Variants in PARD3B observed in about 807,000 individuals in gnomAD.
PARD3B encodes par-3 family cell polarity regulator beta.
In PARD3B, 103 loss-of-function variants were observed where a neutral mutation model predicts 130.2. The ratio of observed to expected loss-of-function variants is 0.79; its 90% CI spans 0.67 to 0.93. PARD3B has a LOEUF of 0.93. Among genes scored for constraint, PARD3B ranks in the 40% least tolerant of loss-of-function variants. The probability of loss-of-function intolerance (pLI) is 0.00; values close to 1 mark genes in which losing one functional copy is unlikely to be tolerated. For missense variants in PARD3B, 1,609 were observed against 1,499.2 expected (o/e 1.07, Z -1.21); for synonymous variants, 583 against 553.2 (o/e 1.05, Z -0.76).
intron 2 of PARD3B, among the ~76,000 whole-genome samples, chr2:204,836,451 T>C (rs2044034011): frequency 6.6e-6 from 1 of 152,118 alleles, no homozygotes; most frequent in Admixed American, 6.5e-5. Flanking sequence ...TTGCCAGAGC[T>C]CAGGAGTTTG....
intron 22 of PARD3B, among the ~76,000 whole-genome samples, chr2:205,583,324 G>A (rs1311839906): frequency 6.6e-6 from 1 of 152,016 alleles, no homozygotes; most frequent in East Asian, 1.9e-4. Flanking sequence ...AAGGAATTAG[G>A]AAACGCTGGA....
At chr2:205,290,482 A>G (rs1417295537) in intron 16 of PARD3B, among the ~76,000 whole-genome samples, 1 of 152,186 alleles carries the variant, frequency 6.6e-6, no homozygotes, top group Non-Finnish European at 1.5e-5. Flanking sequence ...AACTTAAAAT[A>G]AGAATTGAAA....
chr2:204,924,981 A>G (rs984200810), intron 2 of PARD3B, among the ~76,000 whole-genome samples: 5 of 150,544 alleles, frequency 3.3e-5, no homozygotes, highest in Non-Finnish European at 6.0e-5. Flanking sequence ...GCAATCTGAT[A>G]TATATGCATA....
At chr2:205,451,688 G>GTATATATATA (rs35082767) in intron 20 of PARD3B, among the ~76,000 whole-genome samples, 4 of 143,744 alleles carry the variant, frequency 2.8e-5, no homozygotes, top group African/African-American at 1.0e-4. Context: ...TATGTAATAG[G>GTATATATATA]TATATATATA....
intron 18 of PARD3B, among the ~76,000 whole-genome samples, chr2:205,347,440 T>C (rs895795642): frequency 1.1e-4 from 16 of 152,230 alleles, no homozygotes; most frequent in Non-Finnish European, 2.9e-5. Flanking sequence ...TTTATATGAA[T>C]ACCCAGGCTG....
intron 18 of PARD3B, among the ~76,000 whole-genome samples, chr2:205,328,540 T>C (rs1365266306): frequency 6.6e-6 from 1 of 152,178 alleles, no homozygotes; most frequent in East Asian, 1.9e-4. Context: ...TAGAGTAATA[T>C]TAAAGTAATT....
In PARD3B at chr2:205,125,477, A is replaced by G. The variant is rs2031267685; in HGVS notation, c.1306-132A>G. 1 of 1,007,998 alleles carries G rather than the reference A, an allele frequency of 9.9e-7. No individual in the cohort carries two copies. Among genetic ancestry groups the G allele is most frequent in the Non-Finnish European group, 1.4e-6 (1 of 695,732 alleles). 62.4% of individuals were successfully genotyped at this position (1,007,998 alleles called of 1,614,324 possible). A position where few individuals can be genotyped will look rare whatever the true frequency, so the allele number is the denominator to read the frequency against. On this transcript the variant is annotated intron_variant, in intron 9 of 22. Coordinates refer to ENST00000406610, the MANE Select transcript of PARD3B (RefSeq NM_001302769.2). This position sits in a 1 kb window ranked among gnomAD's most constrained non-coding sequence, Gnocchi z 4.0. ...AAATATTGTTGGGTTTTGCCCATGT[A>G]TTTAGTTATCATCTTTTCAGAGCTT...
chr2:204,718,007 A>T (rs1167383765), intron 2 of PARD3B, among the ~76,000 whole-genome samples: 1 of 152,172 alleles, frequency 6.6e-6, no homozygotes, highest in African/African-American at 2.4e-5. Flanking sequence ...TGTTCCAATT[A>T]TGGCTCTTTT....
intron 20 of PARD3B, among the ~76,000 whole-genome samples, chr2:205,486,855 C>T (rs923518105): frequency 1.1e-4 from 16 of 151,962 alleles, no homozygotes; most frequent in South Asian, 2.1e-4. Flanking sequence ...AACCGTACCA[C>T]GAGTTGAGAA....
rs182738640 is a variant in PARD3B at position 205,052,486 on chromosome 2, G to A, written c.504+4796G>A. Among the ~76,000 whole-genome samples the A allele has an allele frequency of 2.6e-3, 377 of 145,114 alleles. 7 individuals carry two copies. Among genetic ancestry groups the A allele is most frequent in the Admixed American group, 0.021 (298 of 14,338 alleles). On this transcript the variant is annotated intron_variant, in intron 4 of 22. Coordinates refer to ENST00000406610, the MANE Select transcript of PARD3B (RefSeq NM_001302769.2). ...AAATAAGCTGGCAGATTTGGGGGTT[G>A]TTAAATTAGAAGTTCATGGATAGAT...
chr2:205,221,328 C>T (rs2038226761), intron 15 of PARD3B, among the ~76,000 whole-genome samples: 1 of 152,198 alleles, frequency 6.6e-6, no homozygotes, highest in African/African-American at 2.4e-5. Flanking sequence ...CCCGATGTAC[C>T]ACCGGCTCTC....
At chr2:205,489,711 A>G (rs2049616710) in intron 20 of PARD3B, among the ~76,000 whole-genome samples, 1 of 152,024 alleles carries the variant, frequency 6.6e-6, no homozygotes, top group Non-Finnish European at 1.5e-5. Context: ...GTCATTGTAC[A>G]GTATTAGAAT....
Position 205,176,539 on chromosome 2 carries a change from A to G in PARD3B, c.1886A>G (p.His629Arg). 6.2e-7 allele frequency: 1 copy of G among 1,612,494 alleles called. No homozygotes were observed. Residue 629 changes from histidine (H) to arginine (R), a missense_variant, in exon 13 of 23, where the codon CAT becomes CGT. By Grantham distance (29) the His-to-Arg change is conservative. Transcript: ENST00000406610. This position sits in a 1 kb window ranked among gnomAD's most constrained non-coding sequence, Gnocchi z 5.3. ...AGGCGAAATGATAATAGTATCCTGC[A>G]TCCACTTGGCACTTGCAGTCCACAA... is the stretch of plus-strand genomic sequence containing the variant. Reference protein sequence around the residue: ...TSRRNDNSILHPLGTCSPQDK... With the variant: ...TSRRNDNSILRPLGTCSPQDK...
At position 204,890,310 on chromosome 2, in the gene PARD3B, A is replaced by G. The variant is rs987555733; in HGVS notation, c.223-74842A>G. ...CTGAATGAATAAATAGAAGATGACA[A>G]GGCATGGAACAGCATAATGGTCTTG... On this transcript the variant is annotated intron_variant, in intron 2 of 22. Transcript: ENST00000406610. The surrounding 1 kb of genome is among the most constrained non-coding windows in gnomAD (Gnocchi z 4.9). Among the ~76,000 whole-genome samples, 1 of 152,338 alleles carries G rather than the reference A, an allele frequency of 6.6e-6. No individual in the cohort carries two copies. The highest frequency in any genetic ancestry group is 3.4e-3 in the Middle Eastern group (1 of 294).
At chr2:205,027,119 A>G (rs1697092191) in intron 3 of PARD3B, among the ~76,000 whole-genome samples, 2 of 152,048 alleles carry the variant, frequency 1.3e-5, no homozygotes, top group African/African-American at 4.8e-5. Context: ...CACATTTTTA[A>G]TTTTTTAAGG....
At chr2:204,833,134 T>A (rs1331869996) in intron 2 of PARD3B, among the ~76,000 whole-genome samples, 1 of 152,254 alleles carries the variant, frequency 6.6e-6, no homozygotes, top group East Asian at 1.9e-4. Flanking sequence ...GCATGCCTTA[T>A]TATGGTGTCA....
intron 20 of PARD3B, among the ~76,000 whole-genome samples, chr2:205,496,196 G>A (rs1346017792): frequency 1.3e-5 from 2 of 152,104 alleles, no homozygotes; most frequent in South Asian, 4.1e-4. Flanking sequence ...CATCTTCAGT[G>A]CAATATGGAA....
intron 18 of PARD3B, among the ~76,000 whole-genome samples, chr2:205,381,222 T>C (rs1199051649): frequency 8.6e-6 from 1 of 116,164 alleles, no homozygotes; most frequent in Admixed American, 9.7e-5. Context: ...GAATATATAT[T>C]ATATATAATA....
intron 1 of PARD3B, among the ~76,000 whole-genome samples, chr2:204,671,124 C>T (rs564724176): frequency 1.9e-4 from 29 of 152,242 alleles, no homozygotes; most frequent in African/African-American, 6.3e-4. Flanking sequence ...TGGTGGAGCA[C>T]ATTCGTCTAA....
Sources: allele counts gnomAD v4.1 joint callset (sites outside exome capture counted in the v4.1 genomes callset), GRCh38; gene constraint gnomAD v4.1.1; non-coding constraint Gnocchi (gnomAD v3.1); transcripts MANE v1.5; gene names NCBI Gene and HGNC (gene_info 2026-07-23, HGNC 2026-07-21).